The following STAB2 variants were observed in gnomAD, a reference collection of about 807,000 sequenced individuals.
The protein encoded by STAB2 is stabilin-2.
In STAB2, 288 loss-of-function variants were observed where a neutral mutation model predicts 338.1. That is an observed-to-expected ratio of 0.85 (90% CI 0.77 to 0.94). The LOEUF (loss-of-function observed/expected upper bound fraction) is 0.94, where lower values mean the gene tolerates loss of function less well. Ranked by LOEUF, STAB2 falls within the 40% of genes least tolerant of loss-of-function variation. The probability of loss-of-function intolerance (pLI) is 0.00; values close to 1 mark genes in which losing one functional copy is unlikely to be tolerated. For synonymous variants in STAB2, 1,202 were observed against 1,193.3 expected, an observed-to-expected ratio of 1.01 and a Z score of -0.15; for missense variants, 3,141 against 3,210.1, an observed-to-expected ratio of 0.98 and a Z score of 0.52.
At position 103,717,824 on chromosome 12, in the gene STAB2, A is replaced by C; in HGVS notation, c.4666A>C (p.Ile1556Leu). 6.2e-7 allele frequency: 1 copy of C among 1,614,072 alleles called. No homozygotes were observed. Among genetic ancestry groups the C allele is most frequent in the South Asian group, 1.1e-5 (1 of 91,074 alleles). Residue 1556 changes from isoleucine to leucine, a missense_variant, in exon 44 of 69, where the codon ATC (isoleucine) becomes CTC (leucine). By Grantham distance (5) the Ile-to-Leu change is conservative. Transcript: ENST00000388887. ...TGGAGATGGAAAGGTCTGCACACTC[A>C]TCAATGTCTGCTTAACTGTGAGTAT... ...YTGDGKVCTL[I>L]NVCLTKNGGC...
intron 5 of STAB2, among the ~76,000 whole-genome samples, chr12:103,627,130 G>C (rs1257676578): frequency 1.3e-5 from 2 of 152,160 alleles, no homozygotes; most frequent in Non-Finnish European, 2.9e-5. Context: ...GTTGCTCAAG[G>C]CCATGCAGCT....
rs752217769 is a variant in STAB2 at position 103,594,434 on chromosome 12, C to T, written c.255C>T (p.Pro85=). The T allele has an allele frequency of 5.6e-5, 91 of 1,613,798 alleles. No homozygotes were observed. The highest frequency in any genetic ancestry group is 3.8e-4 in the East Asian group (17 of 44,886). ...FEVRTYSLSL[P]GCRHICRKDY... ...TCAGAACATACTCTCTGTCTCTCCCCGGATGCCGCCATATTTGTAGGAAGG... is the reference window on the plus strand; with the variant it reads ...TCAGAACATACTCTCTGTCTCTCCCTGGATGCCGCCATATTTGTAGGAAGG... Residue 85 remains proline (P), a synonymous_variant, in exon 3 of 69, where the codon CCC becomes CCT. Transcript: ENST00000388887.
rs781616498 is a variant in STAB2, at chr12:103,648,840, AC to A, written c.1174+18del. 16 of 1,609,280 alleles carry A rather than the reference AC, an allele frequency of 9.9e-6. No homozygotes were observed. The African/African-American group carries it at 1.9e-4, about 19-fold the overall frequency. ...CACTCCTAGGTACGCAGCTATGGGT[AC>A]AGATTTCCACACAAAAGTCCTCTTT... On this transcript the variant is annotated intron_variant, in intron 10 of 68. Transcript: ENST00000388887.
intron 56 of STAB2, among the ~76,000 whole-genome samples, chr12:103,744,464 T>G (rs1354357320): frequency 0.053 from 462 of 8,756 alleles, 2 homozygotes; most frequent in South Asian, 0.22. Context: ...AATTTTACTT[T>G]TTTTTTTTTT....
intron 12 of STAB2, among the ~76,000 whole-genome samples, chr12:103,654,011 T>A (rs1179820987): frequency 6.6e-6 from 1 of 151,916 alleles, no homozygotes; most frequent in African/African-American, 2.4e-5. Flanking sequence ...GTTGGAGAGA[T>A]GGATGGAGGA....
intron 26 of STAB2, among the ~76,000 whole-genome samples, chr12:103,684,731 C>T (rs568274754): frequency 2.0e-5 from 3 of 152,342 alleles, no homozygotes; most frequent in African/African-American, 7.2e-5. Flanking sequence ...CTGAAACTCT[C>T]ATTTAACTGT....
intron 34 of STAB2, among the ~76,000 whole-genome samples, chr12:103,702,049 T>C (rs1878927096): frequency 6.6e-6 from 1 of 151,194 alleles, no homozygotes; most frequent in South Asian, 2.1e-4. Flanking sequence ...CAAAGAATGA[T>C]TTGCTTCCAG....
intron 56 of STAB2, 111 bp downstream of exon 56, chr12:103,742,665 C>G: frequency 6.7e-7 from 1 of 1,501,332 alleles, no homozygotes; most frequent in Non-Finnish European, 9.1e-7. Context: ...TTTCTCTCAG[C>G]CACACCCCTC....
chr12:103,614,575 G>C (rs1957180304), intron 3 of STAB2, among the ~76,000 whole-genome samples: 2 of 152,156 alleles, frequency 1.3e-5, no homozygotes, highest in South Asian at 4.1e-4. Flanking sequence ...TAGGCAACTA[G>C]AAAACAACTT....
At chr12:103,701,805 C>T (rs1383531924) in intron 34 of STAB2, among the ~76,000 whole-genome samples, 2 of 146,540 alleles carry the variant, frequency 1.4e-5, no homozygotes, top group Non-Finnish European at 3.0e-5. Context: ...CATTTGACTG[C>T]AAGTAAATCA....
intron 18 of STAB2, among the ~76,000 whole-genome samples, chr12:103,665,090 C>T (rs1292244723): frequency 6.6e-6 from 1 of 152,208 alleles, no homozygotes; most frequent in Admixed American, 6.5e-5. Context: ...CTAATAGCTG[C>T]CTTAGAATGA....
At chr12:103,706,659 C>T in intron 37 of STAB2, 133 bp from the exon 38 acceptor site, 1 of 1,217,098 alleles carries the variant, frequency 8.2e-7, no homozygotes, top group East Asian at 2.5e-5. Flanking sequence ...GTCCTGCCCC[C>T]ACCCCTCACC....
At chr12:103,656,232 G>A (rs1225653549) in intron 15 of STAB2, among the ~76,000 whole-genome samples, 2 of 152,218 alleles carry the variant, frequency 1.3e-5, no homozygotes, top group African/African-American at 4.8e-5. Flanking sequence ...ATGTCAAATA[G>A]TGGAATTACA....
chr12:103,722,498 G>A (rs1237597683), intron 44 of STAB2, among the ~76,000 whole-genome samples: 2 of 152,202 alleles, frequency 1.3e-5, no homozygotes, highest in African/African-American at 4.8e-5. Context: ...AGTAAGGAAA[G>A]TAGAAACATA....
At chr12:103,711,375 C>A in intron 39 of STAB2, 96 bp from the exon 40 acceptor site, 1 of 1,517,530 alleles carries the variant, frequency 6.6e-7, no homozygotes, top group Non-Finnish European at 9.1e-7. Context: ...ATACATATCA[C>A]TTCCAAAGAA....
intron 12 of STAB2, 38 bp downstream of exon 12, chr12:103,652,743 T>C (rs1873838791): frequency 1.3e-6 from 2 of 1,517,236 alleles, no homozygotes; most frequent in Non-Finnish European, 8.8e-7. Context: ...AGAACTAAAT[T>C]ATCCACCAAG....
At chr12:103,658,769 A>G (rs1874380720) in intron 15 of STAB2, among the ~76,000 whole-genome samples, 1 of 152,162 alleles carries the variant, frequency 6.6e-6, no homozygotes, top group Non-Finnish European at 1.5e-5. Flanking sequence ...AACTTATTTT[A>G]TGCCCCACAC....
At chr12:103,606,238 C>A (rs1333929920) in intron 3 of STAB2, among the ~76,000 whole-genome samples, 2 of 152,124 alleles carry the variant, frequency 1.3e-5, no homozygotes, top group Non-Finnish European at 2.9e-5. Flanking sequence ...ACTCTATGCA[C>A]AAGAATCTTA....
At chr12:103,714,285 A>T (rs1412398697) in intron 42 of STAB2, among the ~76,000 whole-genome samples, 1 of 152,238 alleles carries the variant, frequency 6.6e-6, no homozygotes, top group Non-Finnish European at 1.5e-5. Context: ...GTTCTACTAT[A>T]AAGGTATGCC....
Sources: gnomAD v4.1 joint callset for allele counts (sites outside exome capture counted in the v4.1 genomes callset) on GRCh38, gnomAD v4.1.1 for gene constraint, MANE v1.5 for transcripts, NCBI Gene and HGNC (gene_info 2026-07-23, HGNC 2026-07-21) for gene names.